RAB31: variants seen among roughly 807,000 people sequenced by gnomAD.
The protein encoded by RAB31 is RAB31, member RAS oncogene family, also known as ras-related protein Rab-31.
In RAB31, 21 loss-of-function variants were observed where a neutral mutation model predicts 25.6. That is an observed-to-expected ratio of 0.82 (90% CI 0.58 to 1.18). RAB31 has a LOEUF of 1.18. Ranked by LOEUF, RAB31 falls within the 50% of genes most tolerant of loss-of-function variation. The pLI, the probability that RAB31 is intolerant of heterozygous loss-of-function variation, is 0.00. For missense variants in RAB31, 196 were observed against 250.1 expected (o/e 0.78, Z 1.46); for synonymous variants, 87 against 84.0 (o/e 1.04, Z -0.20).
At chr18:9,716,385 C>A (rs1314277633) in intron 1 of RAB31, among the ~76,000 whole-genome samples, 1 of 152,160 alleles carries the variant, frequency 6.6e-6, no homozygotes, top group Non-Finnish European at 1.5e-5. Flanking sequence ...AAAAAAATTT[C>A]TTAGCTTCTG....
At chr18:9,798,773 C>T (rs1177576996) in intron 3 of RAB31, among the ~76,000 whole-genome samples, 1 of 136,074 alleles carries the variant, frequency 7.3e-6, no homozygotes, top group African/African-American at 2.7e-5. Context: ...TGTATGCCAC[C>T]ATGCGCAGCT....
rs567967084 is a variant in RAB31 at position 9,846,472 on chromosome 18, T to C, written c.490+781T>C. 5.5e-4 allele frequency among the ~76,000 whole-genome samples: 84 copies of C among 152,290 alleles called. 1 individual carries two copies. Among genetic ancestry groups the C allele is most frequent in the Middle Eastern group, 3.4e-3 (1 of 294 alleles). ...CTGCTCTGAGACACCCTCAGGAAAG[T>C]TCGACCGGAGCATTATCAGGGACGT... On this transcript the variant is annotated intron_variant, in intron 6 of 6. Transcript: ENST00000578921.
At chr18:9,858,266 G>T (rs2068829311) in intron 6 of RAB31, among the ~76,000 whole-genome samples, 1 of 152,164 alleles carries the variant, frequency 6.6e-6, no homozygotes, top group Non-Finnish European at 1.5e-5. Flanking sequence ...TGATAATAAC[G>T]ACCATTACAT....
At position 9,766,462 on chromosome 18, in the gene RAB31, G is replaced by T. The variant is rs1248773275; in HGVS notation, c.40-8816G>T. Among the ~76,000 whole-genome samples, 1 of 152,214 alleles carries T rather than the reference G, an allele frequency of 6.6e-6. No individual in the cohort carries two copies. Among genetic ancestry groups the T allele is most frequent in the Non-Finnish European group, 1.5e-5 (1 of 68,036 alleles). Reference sequence around the variant, plus strand: ...GCGGGCGGGTGGGGTGTGTATGCTGGTGTCCCAGGTGCCTGATGGGACCTT... The same window carrying T: ...GCGGGCGGGTGGGGTGTGTATGCTGTTGTCCCAGGTGCCTGATGGGACCTT... On this transcript the variant is annotated intron_variant, in intron 1 of 6. Transcript: ENST00000578921. This position sits in a 1 kb window ranked among gnomAD's most constrained non-coding sequence, Gnocchi z 4.3.
At chr18:9,815,015 A>C in intron 4 of RAB31, 101 bp from the exon 5 acceptor site, 1 of 843,716 alleles carries the variant, frequency 1.2e-6, no homozygotes, top group Middle Eastern at 2.3e-4. Flanking sequence ...GTCTCCTAAA[A>C]ATATTTTTCT....
chr18:9,854,001 A>G lies in RAB31; in HGVS notation c.491-5227A>G, dbSNP rs549215203. ...TTTAACTTTAAATTCCAGGATACATATGCAGAACATGCGGGTTTGTTACAC... is the reference window on the plus strand; with the variant it reads ...TTTAACTTTAAATTCCAGGATACATGTGCAGAACATGCGGGTTTGTTACAC... On this transcript the variant is annotated intron_variant, in intron 6 of 6. Transcript: ENST00000578921. Among the ~76,000 whole-genome samples, 42 of 137,682 alleles carry G rather than the reference A, an allele frequency of 3.1e-4. 1 individual carries two copies. Among genetic ancestry groups the G allele is most frequent in the Middle Eastern group, 4.5e-3 (1 of 222 alleles). The allele number at this position is 137,682 out of a possible 152,430, so 90.3% of individuals were successfully genotyped here. A position where few individuals can be genotyped will look rare whatever the true frequency, so the allele number is the denominator to read the frequency against.
At chr18:9,770,213 TA>T (rs1179756802) in intron 1 of RAB31, among the ~76,000 whole-genome samples, 1 of 152,210 alleles carries the variant, frequency 6.6e-6, no homozygotes, top group Non-Finnish European at 1.5e-5. Context: ...TAAAATGAGT[TA>T]GGGAGGAGTC....
chr18:9,751,256 G>T (rs1254182422), intron 1 of RAB31, among the ~76,000 whole-genome samples: 1 of 151,980 alleles, frequency 6.6e-6, no homozygotes, highest in Non-Finnish European at 1.5e-5. Context: ...GCCCAGGCTG[G>T]CCTTGAATTC....
chr18:9,785,595 C>T (rs1015994958), intron 2 of RAB31, among the ~76,000 whole-genome samples: 4 of 152,156 alleles, frequency 2.6e-5, no homozygotes, highest in South Asian at 2.1e-4. Flanking sequence ...CTCCTTTTAC[C>T]TGCCCAAGGC....
chr18:9,772,235 C>G (rs1439791358), intron 1 of RAB31, among the ~76,000 whole-genome samples: 1 of 152,062 alleles, frequency 6.6e-6, no homozygotes, highest in Non-Finnish European at 1.5e-5. Flanking sequence ...GAAGATGCAC[C>G]CTCAGCCCTG....
intron 6 of RAB31, among the ~76,000 whole-genome samples, 160 bp downstream of exon 6, chr18:9,845,851 T>C (rs549375550): frequency 6.6e-6 from 1 of 152,374 alleles, no homozygotes; most frequent in South Asian, 2.1e-4. Flanking sequence ...TAATACCCAC[T>C]TCTATTATCC....
intron 2 of RAB31, among the ~76,000 whole-genome samples, chr18:9,791,644 A>T (rs4798858): frequency 5.3e-5 from 8 of 151,306 alleles, no homozygotes; most frequent in African/African-American, 1.5e-4. Flanking sequence ...CCTGGGCTGG[A>T]GTACCATGGT....
chr18:9,714,804 A>T (rs1388305064), intron 1 of RAB31, among the ~76,000 whole-genome samples: 1 of 152,186 alleles, frequency 6.6e-6, no homozygotes, highest in South Asian at 2.1e-4. Flanking sequence ...AAAGACACGA[A>T]CACACCAGCA....
intron 5 of RAB31, among the ~76,000 whole-genome samples, chr18:9,827,030 G>T (rs16955716): frequency 0.014 from 2,065 of 152,064 alleles, 54 homozygotes; most frequent in African/African-American, 0.048. Context: ...CGCATAGCAG[G>T]TTCTAGTTCT....
At chr18:9,719,799 ATCCAAGGCT>A (rs1349211242) in intron 1 of RAB31, among the ~76,000 whole-genome samples, 2 of 152,114 alleles carry the variant, frequency 1.3e-5, no homozygotes, top group African/African-American at 2.4e-5. Context: ...TGAAAGAGGC[ATCCAAGGCT>A]TCGCTTTTAC....
At chr18:9,814,912 T>C in intron 4 of RAB31, 1 of 403,220 alleles carries the variant, frequency 2.5e-6, no homozygotes, top group Non-Finnish European at 4.5e-6. Flanking sequence ...GATCAAGTTT[T>C]AATTTTAGAA....
At position 9,806,686 on chromosome 18, in the gene RAB31, A is replaced by G. The variant is rs577559173; in HGVS notation, c.202-7334A>G. On this transcript the variant is annotated intron_variant, in intron 3 of 6. Coordinates refer to ENST00000578921, the MANE Select transcript of RAB31 (RefSeq NM_006868.4). ...GGAAGTGAAACAATTGGATTTATAT[A>G]GGAAGAAATCAATCACTCTGATGTT... is the stretch of plus-strand genomic sequence containing the variant. 3.9e-5 allele frequency among the ~76,000 whole-genome samples: 6 copies of G among 152,328 alleles called. No homozygotes were observed. The South Asian group carries it at 1.2e-3, about 32-fold the overall frequency.
intron 3 of RAB31, among the ~76,000 whole-genome samples, chr18:9,813,303 C>T (rs369466691): frequency 6.6e-6 from 1 of 152,288 alleles, no homozygotes. Context: ...CAGCAAGGGT[C>T]CTGTGATCTT....
chr18:9,781,629 C>T (rs959311360), intron 2 of RAB31, among the ~76,000 whole-genome samples: 2 of 152,236 alleles, frequency 1.3e-5, no homozygotes, highest in Non-Finnish European at 2.9e-5. Flanking sequence ...TCTACCTCGT[C>T]CCTTGCTTTT....
Sources: gnomAD v4.1 joint callset for allele counts (sites outside exome capture counted in the v4.1 genomes callset) on GRCh38, gnomAD v4.1.1 for gene constraint, Gnocchi (gnomAD v3.1) non-coding constraint, MANE v1.5 for transcripts, NCBI Gene and HGNC (gene_info 2026-07-23, HGNC 2026-07-21) for gene names.